TMEM181: variants seen among roughly 807,000 people sequenced by gnomAD.
TMEM181 encodes the protein G protein-coupled receptor 178.
Under a neutral mutation model 71.9 loss-of-function variants are expected in TMEM181, and 39 were observed. The ratio of observed to expected loss-of-function variants is 0.54; its 90% CI spans 0.42 to 0.71. The LOEUF (loss-of-function observed/expected upper bound fraction) is 0.71, where lower values mean the gene tolerates loss of function less well. Ranked by LOEUF, TMEM181 falls within the 30% of genes least tolerant of loss-of-function variation. The pLI is 0.00. For synonymous variants in TMEM181, 245 were observed against 228.8 expected (o/e 1.07, Z -0.64); for missense variants, 595 against 583.0 (o/e 1.02, Z -0.21).
chr6:158,564,685 C>G (rs979355967), intron 1 of TMEM181, among the ~76,000 whole-genome samples: 1 of 152,242 alleles, frequency 6.6e-6, no homozygotes, highest in Non-Finnish European at 1.5e-5. Context: ...GATGAATCTT[C>G]TGCCTCTCTC....
exon 1 of TMEM181, chr6:158,536,686 C>T (rs779948767): frequency 2.6e-6 from 4 of 1,535,946 alleles, no homozygotes; most frequent in South Asian, 2.4e-5. Context: ...GCGCAGGCGG[C>T]GACACAAAGG....
rs953291156 is a variant in TMEM181, at chr6:158,536,965, C to T, written c.131+100C>T. The T allele has an allele frequency of 6.9e-6, 6 of 874,088 alleles. No homozygotes were observed. The African/African-American group carries it at 9.0e-5, about 13-fold the overall frequency. 54.1% of individuals were successfully genotyped at this position (874,088 alleles called of 1,614,324 possible). ...CCCGGCCTTGGCCTGGTCCCGCCGA[C>T]GGCCGCCTCCGCCGGCCGGGCGCGG... is the stretch of plus-strand genomic sequence containing the variant. On this transcript the variant is annotated intron_variant, in intron 1 of 16. Transcript: ENST00000367090.
chr6:158,592,921 A>C (rs1446806191), intron 6 of TMEM181, among the ~76,000 whole-genome samples: 1 of 152,122 alleles, frequency 6.6e-6, no homozygotes, highest in Admixed American at 6.5e-5. Context: ...CCCTGTCTAA[A>C]AAAAATGCAA....
At chr6:158,611,246 C>T in intron 10 of TMEM181, 1 of 497,632 alleles carries the variant, frequency 2.0e-6, no homozygotes, top group South Asian at 1.5e-5. Flanking sequence ...GACTGTGACA[C>T]TCCTGGCTGT....
At chr6:158,612,222 T>C (rs900038700) in intron 10 of TMEM181, among the ~76,000 whole-genome samples, 1 of 152,204 alleles carries the variant, frequency 6.6e-6, no homozygotes, top group Non-Finnish European at 1.5e-5. Flanking sequence ...GTGATTTCCT[T>C]GAAACGTAAG....
intron 1 of TMEM181, among the ~76,000 whole-genome samples, chr6:158,569,206 G>A (rs1419445118): frequency 6.6e-6 from 1 of 152,192 alleles, no homozygotes; most frequent in Non-Finnish European, 1.5e-5. Context: ...TGATCATCAC[G>A]CAGAATTATC....
intron 1 of TMEM181, among the ~76,000 whole-genome samples, chr6:158,541,548 C>T (rs1413426245): frequency 2.6e-5 from 4 of 152,362 alleles, no homozygotes; most frequent in South Asian, 2.1e-4. Flanking sequence ...CCAGGCGCCA[C>T]GTCTCCCTCT....
rs191642499 is a variant in TMEM181 at position 158,605,730 on chromosome 6, G to A, written c.573+383G>A. On this transcript the variant is annotated intron_variant, in intron 7 of 16. Transcript: ENST00000684151. The stretch of plus-strand genomic sequence containing the variant: ...TTTTATAGTTGTGCCAGTCCTTTGC[G>A]TTTTTGGGCATTTTCAGGAATAAGG... Among the ~76,000 whole-genome samples, 266 of 152,216 alleles carry A rather than the reference G, an allele frequency of 1.7e-3. 1 individual carries two copies. The highest frequency in any genetic ancestry group is 1.8e-3 in the Non-Finnish European group (120 of 68,024).
intron 1 of TMEM181, among the ~76,000 whole-genome samples, chr6:158,538,336 T>G (rs1781209032): frequency 6.6e-6 from 1 of 151,936 alleles, no homozygotes; most frequent in African/African-American, 2.4e-5. Context: ...TATATTTTGT[T>G]TAGAGATGGA....
intron 5 of TMEM181, among the ~76,000 whole-genome samples, chr6:158,587,221 C>G (rs1010058015): frequency 1.3e-5 from 2 of 152,206 alleles, no homozygotes; most frequent in African/African-American, 4.8e-5. Context: ...TTGCTTCAAG[C>G]AGGGCCAGGC....
At chr6:158,610,508 T>C in intron 10 of TMEM181, 1 of 395,288 alleles carries the variant, frequency 2.5e-6, no homozygotes, top group Non-Finnish European at 4.2e-6. Flanking sequence ...GAAGCCCTGC[T>C]CTAGGCTTGG....
intron 7 of TMEM181, 151 bp from the exon 8 acceptor site, chr6:158,607,093 C>T: frequency 1.5e-6 from 1 of 655,980 alleles, no homozygotes; most frequent in Non-Finnish European, 2.8e-6. Flanking sequence ...ACACAGTAGG[C>T]AATTCAGCCA....
intron 13 of TMEM181, 92 bp downstream of exon 13, chr6:158,625,846 A>G: frequency 4.2e-6 from 5 of 1,184,758 alleles, no homozygotes; most frequent in Admixed American, 4.3e-5. Context: ...AGTGGATTTC[A>G]GGGTACTTCT....
upstream of TMEM181, among the ~76,000 whole-genome samples, chr6:158,557,031 C>G (rs1781917130): frequency 6.6e-6 from 1 of 152,152 alleles, no homozygotes; most frequent in South Asian, 2.1e-4. Context: ...TGAGCCACTG[C>G]ACCTGGCCTG....
Position 158,608,324 on chromosome 6 carries a change from G to A in TMEM181, c.674-9G>A. The A allele has an allele frequency of 6.2e-7, 1 of 1,614,194 alleles. No individual in the cohort carries two copies. Among genetic ancestry groups the A allele is most frequent in the Non-Finnish European group, 8.5e-7 (1 of 1,180,008 alleles). ...TTTTCCACATGGATTTCTGCCCTTT[G>A]TGTTCCAGATCCGTTCTTCCCCCTC... On this transcript the variant is annotated splice_polypyrimidine_tract_variant and intron_variant, in intron 8 of 16. Coordinates refer to ENST00000684151, the MANE Select transcript of TMEM181 (RefSeq NM_001376852.1).
At chr6:158,589,898 C>T in intron 6 of TMEM181, 116 bp downstream of exon 6, 1 of 757,114 alleles carries the variant, frequency 1.3e-6, no homozygotes, top group South Asian at 1.8e-5. Flanking sequence ...CAGTGGAGGA[C>T]TTGTAAAGTT....
At chr6:158,544,035 G>A (rs1781441408) in intron 1 of TMEM181, among the ~76,000 whole-genome samples, 1 of 152,140 alleles carries the variant, frequency 6.6e-6, no homozygotes, top group African/African-American at 2.4e-5. Context: ...GATGATCTCA[G>A]ATCCCTCCTG....
At chr6:158,627,472 G>T (rs779075660) in intron 13 of TMEM181, among the ~76,000 whole-genome samples, 53 of 152,230 alleles carry the variant, frequency 3.5e-4, no homozygotes, top group Admixed American at 3.3e-3. Context: ...GAAACAAGGA[G>T]ATGTGACTTG....
chr6:158,574,018 G>A (rs1246405853), intron 2 of TMEM181, among the ~76,000 whole-genome samples: 1 of 152,150 alleles, frequency 6.6e-6, no homozygotes, highest in African/African-American at 2.4e-5. Flanking sequence ...AACCTGAGAA[G>A]CCAAGTGGTT....
Sources: allele counts gnomAD v4.1 joint callset (sites outside exome capture counted in the v4.1 genomes callset), GRCh38; gene constraint gnomAD v4.1.1; transcripts MANE v1.5; gene names NCBI Gene and HGNC (gene_info 2026-07-23, HGNC 2026-07-21).